The following SRRM1 variants were observed in gnomAD, a reference collection of about 807,000 sequenced individuals.
The protein encoded by SRRM1 is serine/arginine repetitive matrix protein 1.
Under a neutral mutation model 110.2 loss-of-function variants are expected in SRRM1, and 19 were observed. That is an observed-to-expected ratio of 0.17 (90% CI 0.12 to 0.25). SRRM1 has a LOEUF of 0.25. SRRM1 is among the 10% of genes least tolerant of loss of function. The probability of loss-of-function intolerance (pLI) is 1.00; values close to 1 mark genes in which losing one functional copy is unlikely to be tolerated. For synonymous variants in SRRM1, 443 were observed against 414.9 expected (o/e 1.07, Z -0.82); for missense variants, 918 against 1,145.8 (o/e 0.80, Z 2.87).
chr1:24,661,483 G>A lies in SRRM1; in HGVS notation c.1483+87G>A, dbSNP rs554909663. 2.1e-4 allele frequency: 193 copies of A among 912,920 alleles called. No individual in the cohort carries two copies. The African/African-American group carries it at 2.6e-3, about 12-fold the overall frequency. 56.6% of individuals were successfully genotyped at this position (912,920 alleles called of 1,614,324 possible). On this transcript the variant is annotated intron_variant, in intron 11 of 16. Transcript: ENST00000323848. The stretch of plus-strand genomic sequence containing the variant: ...ATAAACATCTGTGTGTGCAGCATGA[G>A]TACTTACTTGCCTACATAGAAATCT...
chr1:24,646,218 C>T, intron 2 of SRRM1, 145 bp downstream of exon 2: 1 of 632,486 alleles, frequency 1.6e-6, no homozygotes, highest in East Asian at 2.9e-5. Flanking sequence ...CCACACGTGG[C>T]ACAGCCATAT....
At chr1:24,661,428 C>T (rs1463262867) in intron 11 of SRRM1, 32 bp downstream of exon 11, 1 of 1,502,480 alleles carries the variant, frequency 6.7e-7, no homozygotes, top group African/African-American at 1.4e-5. Context: ...TTTTTTCTAC[C>T]TGTATTTCCT....
chr1:24,662,944 T>A, intron 12 of SRRM1, 140 bp downstream of exon 12: 1 of 1,200,934 alleles, frequency 8.3e-7, no homozygotes, highest in Non-Finnish European at 1.2e-6. Flanking sequence ...TTAGGGTTTC[T>A]GTTTTGTTTT....
At chr1:24,644,651 G>A (rs1158413193) in intron 1 of SRRM1, among the ~76,000 whole-genome samples, 1 of 152,170 alleles carries the variant, frequency 6.6e-6, no homozygotes, top group Non-Finnish European at 1.5e-5. Flanking sequence ...CAAACAGTAA[G>A]ATACTTATTT....
Position 24,643,337 on chromosome 1 carries a change from G to T in SRRM1, c.11G>T (p.Gly4Val). 1 of 1,555,292 alleles carries T rather than the reference G, an allele frequency of 6.4e-7. No individual in the cohort carries two copies. Among genetic ancestry groups the T allele is most frequent in the Non-Finnish European group, 8.7e-7 (1 of 1,155,914 alleles). ...GAGCGAGGCGGCAAGATGGACGCGG[G>T]ATTTTTCCGCGTAAGTAGAAGCGCC... Reference protein sequence around the residue: MDAGFFRGTSAEQD... With the variant: MDAVFFRGTSAEQD... The change falls in exon 1 of 17, where the codon GGA becomes GTA. Residue 4 changes from glycine to valine, a missense_variant. Physicochemically the swap from Gly to Val is moderately radical, Grantham distance 109. Around this residue, in one of 5 missense-constraint regions of SRRM1, gnomAD observed 38 missense variants for 144.5 expected, o/e 0.26. Coordinates refer to ENST00000323848, the MANE Select transcript of SRRM1 (RefSeq NM_005839.4).
chr1:24,663,305 C>A, intron 12 of SRRM1: 1 of 1,100,266 alleles, frequency 9.1e-7, no homozygotes, highest in East Asian at 2.7e-5. Context: ...GTGACCTCAT[C>A]TCATTCTTAA....
In SRRM1 at chr1:24,652,573, C is replaced by T. The variant is rs758042923; in HGVS notation, c.865C>T (p.Arg289Trp). ...RSRSKSRSRT[R>W]SRSPSHTRPR... ...ACGCTCCAAATCAAGATCCCGGACG[C>T]GGTCCCGCTCTCCTTCTCACACTCG... Residue 289 changes from arginine to tryptophan, a missense_variant, in exon 7 of 17, where the codon CGG (arginine) becomes TGG (tryptophan). Around this residue, in one of 5 missense-constraint regions of SRRM1, gnomAD observed 456 missense variants for 453.5 expected, o/e 1.01. Coordinates refer to ENST00000323848, the MANE Select transcript of SRRM1 (RefSeq NM_005839.4). The T allele has an allele frequency of 3.1e-6, 5 of 1,613,490 alleles. No individual in the cohort carries two copies. Among genetic ancestry groups the T allele is most frequent in the East Asian group, 2.2e-5 (1 of 44,852 alleles).
chr1:24,645,397 A>G (rs532272668), intron 1 of SRRM1, among the ~76,000 whole-genome samples: 6 of 152,298 alleles, frequency 3.9e-5, no homozygotes, highest in Non-Finnish European at 8.8e-5. Context: ...ATTAGTGATC[A>G]CTCGATGATC....
intron 15 of SRRM1, 77 bp downstream of exon 15, chr1:24,670,392 G>A: frequency 7.2e-7 from 1 of 1,394,514 alleles, no homozygotes; most frequent in Admixed American, 2.7e-5. Context: ...AATGTCATTG[G>A]GGCATTAAAA....
Position 24,652,528 on chromosome 1 carries a change from A to G in SRRM1, c.820A>G (p.Thr274Ala), listed in dbSNP as rs143764061. 1.5e-5 allele frequency: 24 copies of G among 1,613,368 alleles called. No homozygotes were observed. Among genetic ancestry groups the G allele is most frequent in the Non-Finnish European group, 1.6e-5 (19 of 1,179,774 alleles). Residue 274 changes from threonine (T) to alanine (A), a missense_variant, in exon 7 of 17, where the codon ACC becomes GCC. By Grantham distance (58) the Thr-to-Ala change is moderately conservative. Coordinates refer to ENST00000323848, the MANE Select transcript of SRRM1 (RefSeq NM_005839.4). Reference sequence around the variant, plus strand: ...CAAAAAAGAAAAGGAGAAGGAGAAGACCCGACCACGATCTCGGTCACGCTC... The same window carrying G: ...CAAAAAAGAAAAGGAGAAGGAGAAGGCCCGACCACGATCTCGGTCACGCTC... ...NSKKEKEKEKTRPRSRSRSKS... is the reference protein window; with the variant it reads ...NSKKEKEKEKARPRSRSRSKS...
rs1672278585 is a variant in SRRM1 at position 24,670,682 on chromosome 1, G to T, written c.2400+367G>T. Among the ~76,000 whole-genome samples, 2 of 152,160 alleles carry T rather than the reference G, an allele frequency of 1.3e-5. 1 individual carries two copies. The highest frequency in any genetic ancestry group is 4.1e-4 in the South Asian group (2 of 4,826). ...GGTTTTTTGTTTTTAACTTTTTGTA[G>T]AGACAGGGTCTTGCTGTGTTGACCA... On this transcript the variant is annotated intron_variant, in intron 15 of 16. Coordinates refer to ENST00000323848, the MANE Select transcript of SRRM1 (RefSeq NM_005839.4).
chr1:24,657,970 G>T (rs1311150778), intron 9 of SRRM1, among the ~76,000 whole-genome samples: 1 of 152,096 alleles, frequency 6.6e-6, no homozygotes, highest in Non-Finnish European at 1.5e-5. Context: ...TAATTAATAG[G>T]ACTGTTGGAG....
chr1:24,659,615 C>T (rs1321609264), intron 9 of SRRM1, among the ~76,000 whole-genome samples: 4 of 152,236 alleles, frequency 2.6e-5, no homozygotes, highest in South Asian at 4.1e-4. Context: ...AAACCCATGG[C>T]CTAAAAATAG....
At chr1:24,672,034 T>G in intron 16 of SRRM1, 148 bp from the exon 17 acceptor site, 3 of 564,520 alleles carry the variant, frequency 5.3e-6, no homozygotes, top group Non-Finnish European at 9.6e-6. Flanking sequence ...ACTCGTCGTT[T>G]AGCATTAGGT....
At position 24,654,984 on chromosome 1, in the gene SRRM1, T is replaced by C. The variant is rs199715936; in HGVS notation, c.1170T>C (p.Pro390=). ...SPPRKTRRLS[P]SASPPRRRHR... is the part of the protein sequence containing the mutation. ...CTCGGAAAACTCGTAGGTTATCTCCTTCAGCAAGTCCTCCAAGGCGAAGGC... is the reference window on the plus strand; with the variant it reads ...CTCGGAAAACTCGTAGGTTATCTCCCTCAGCAAGTCCTCCAAGGCGAAGGC... The change falls in exon 9 of 17, where the codon CCT becomes CCC. Residue 390 remains proline (P), a synonymous_variant. Coordinates refer to ENST00000323848, the MANE Select transcript of SRRM1 (RefSeq NM_005839.4). The C allele has an allele frequency of 6.2e-7, 1 of 1,614,212 alleles. No homozygotes were observed. The highest frequency in any genetic ancestry group is 8.5e-7 in the Non-Finnish European group (1 of 1,180,036).
intron 9 of SRRM1, among the ~76,000 whole-genome samples, chr1:24,659,324 C>G (rs570990100): frequency 3.9e-5 from 6 of 152,098 alleles, no homozygotes; most frequent in African/African-American, 1.4e-4. Context: ...AATTACTGCC[C>G]CTTGGAATAA....
chr1:24,659,438 A>G (rs1241090790), intron 9 of SRRM1, among the ~76,000 whole-genome samples: 1 of 152,240 alleles, frequency 6.6e-6, no homozygotes, highest in African/African-American at 2.4e-5. Flanking sequence ...AACAGGTATC[A>G]GGATCCTGAG....
intron 13 of SRRM1, among the ~76,000 whole-genome samples, chr1:24,668,146 A>G (rs1557740185): frequency 6.6e-6 from 1 of 151,090 alleles, no homozygotes; most frequent in African/African-American, 2.4e-5. Flanking sequence ...CAGTTTTTGT[A>G]TTTTTTGTAG....
intron 12 of SRRM1, among the ~76,000 whole-genome samples, chr1:24,663,878 AAATAATAATAATAATAAT>A (rs10555916): frequency 6.4e-5 from 9 of 141,514 alleles, no homozygotes; most frequent in African/African-American, 1.6e-4. Context: ...TCCCTCTCAA[AAATAATAATAATAATAAT>A]AATAATAATA....
Sources: gnomAD v4.1 joint callset for allele counts (sites outside exome capture counted in the v4.1 genomes callset) on GRCh38, gnomAD v4.1.1 for gene constraint, gnomAD v4.1.1 regional missense constraint, MANE v1.5 for transcripts, NCBI Gene and HGNC (gene_info 2026-07-23, HGNC 2026-07-21) for gene names.